The following ZFPM2 variants were observed in gnomAD, a reference collection of about 807,000 sequenced individuals.
The protein encoded by ZFPM2 is zinc finger protein ZFPM2.
Under a neutral mutation model 98.6 loss-of-function variants are expected in ZFPM2, and 20 were observed. The ratio of observed to expected loss-of-function variants is 0.20; its 90% CI spans 0.14 to 0.29. The LOEUF is 0.29. Among genes scored for constraint, ZFPM2 ranks in the 10% least tolerant of loss-of-function variants. The pLI is 1.00. For missense variants in ZFPM2, 1,310 were observed against 1,388.6 expected (o/e 0.94, Z 0.90); for synonymous variants, 518 against 502.7 (o/e 1.03, Z -0.41).
chr8:105,496,901 G>A lies in ZFPM2; in HGVS notation c.301+52520G>A, dbSNP rs1445862557. On this transcript the variant is annotated intron_variant, in intron 3 of 7. Coordinates refer to ENST00000407775, the MANE Select transcript of ZFPM2 (RefSeq NM_012082.4). ...GGAGGCTGAGGCAGGAGAATCACTT[G>A]AATCCGGGAGTCAGAGGTTGCAGTG... Among the ~76,000 whole-genome samples, 75 of 141,938 alleles carry A rather than the reference G, an allele frequency of 5.3e-4. 1 individual carries two copies. The highest frequency in any genetic ancestry group is 9.1e-4 in the Non-Finnish European group (60 of 66,166). The allele number at this position is 141,938 out of a possible 152,430, so 93.1% of individuals were successfully genotyped here. A position where few individuals can be genotyped will look rare whatever the true frequency, so the allele number is the denominator to read the frequency against.
intron 1 of ZFPM2, among the ~76,000 whole-genome samples, chr8:105,403,517 T>C (rs1159596996): frequency 6.6e-6 from 1 of 152,106 alleles, no homozygotes; most frequent in Non-Finnish European, 1.5e-5. Flanking sequence ...ACGGAAAACA[T>C]GAAGTAGATT....
chr8:105,493,016 C>G (rs1813387262), intron 3 of ZFPM2, among the ~76,000 whole-genome samples: 1 of 152,120 alleles, frequency 6.6e-6, no homozygotes, highest in African/African-American at 2.4e-5. Context: ...TCTAAGTTGA[C>G]TTGAGACCTC....
chr8:105,555,233 A>AT (rs1173878859), intron 3 of ZFPM2, among the ~76,000 whole-genome samples: 1 of 152,008 alleles, frequency 6.6e-6, no homozygotes, highest in Non-Finnish European at 1.5e-5. Flanking sequence ...TGCCTCAAAT[A>AT]TTTTCTGTGA....
At position 105,803,625 on chromosome 8, in the gene ZFPM2, C is replaced by A; in HGVS notation, c.*87C>A. 1 of 1,313,278 alleles carries A rather than the reference C, an allele frequency of 7.6e-7. No homozygotes were observed. Among genetic ancestry groups the A allele is most frequent in the Non-Finnish European group, 1.1e-6 (1 of 941,308 alleles). The allele number at this position is 1,313,278 out of a possible 1,614,324, so 81.4% of individuals were successfully genotyped here. ...AAAAAAAAATAAGCTGTTTGAATTA[C>A]ATCTGGGCAATCAGGAGATAATTCA... On this transcript the variant is annotated 3_prime_UTR_variant, in exon 8 of 8. Coordinates refer to ENST00000407775, the MANE Select transcript of ZFPM2 (RefSeq NM_012082.4).
At position 105,802,859 on chromosome 8, in the gene ZFPM2, C is replaced by T. The variant is rs749656717; in HGVS notation, c.2777C>T (p.Ser926Phe). 1.9e-6 allele frequency: 3 copies of T among 1,613,518 alleles called. No homozygotes were observed. Among genetic ancestry groups the T allele is most frequent in the Non-Finnish European group, 2.5e-6 (3 of 1,179,810 alleles). Residue 926 changes from serine (S) to phenylalanine (F), a missense_variant, in exon 8 of 8, where the codon TCC becomes TTC. Coordinates refer to ENST00000407775, the MANE Select transcript of ZFPM2 (RefSeq NM_012082.4). ...AAAAATGGGAATTTGAAGCAGCCTT[C>T]CCCCAATGGAAACTTATTTTCATCC... ...CEKNGNLKQP[S>F]PNGNLFSSHL...
intron 3 of ZFPM2, among the ~76,000 whole-genome samples, chr8:105,505,007 A>T (rs1294034374): frequency 6.6e-6 from 1 of 152,180 alleles, no homozygotes; most frequent in African/African-American, 2.4e-5. Context: ...ATTCACAAAA[A>T]TGTCAGTCTA....
intron 1 of ZFPM2, among the ~76,000 whole-genome samples, chr8:105,383,439 A>T (rs1304382666): frequency 6.6e-6 from 1 of 152,136 alleles, no homozygotes; most frequent in Non-Finnish European, 1.5e-5. Flanking sequence ...ATGACAAATA[A>T]ATCTTATGTG....
chr8:105,478,095 T>G (rs1324305236), intron 3 of ZFPM2, among the ~76,000 whole-genome samples: 1 of 152,214 alleles, frequency 6.6e-6, no homozygotes, highest in Non-Finnish European at 1.5e-5. Flanking sequence ...TTGACATAAC[T>G]CTACTTCATT....
At chr8:105,509,806 A>G in intron 3 of ZFPM2, among the ~76,000 whole-genome samples, 1 of 152,188 alleles carries the variant, frequency 6.6e-6, no homozygotes, top group Non-Finnish European at 1.5e-5. Flanking sequence ...TTTGTTTCAT[A>G]TAAATATCAT....
At chr8:105,538,882 G>A (rs1260026346) in intron 3 of ZFPM2, among the ~76,000 whole-genome samples, 1 of 152,088 alleles carries the variant, frequency 6.6e-6, no homozygotes, top group East Asian at 1.9e-4. Context: ...AGGTATGCTA[G>A]TGAGCACCTG....
At chr8:105,771,632 A>C (rs1812979126) in intron 5 of ZFPM2, among the ~76,000 whole-genome samples, 1 of 152,094 alleles carries the variant, frequency 6.6e-6, no homozygotes, top group Non-Finnish European at 1.5e-5. Flanking sequence ...ACACGAGCAA[A>C]AATTTGAGAT....
chr8:105,685,216 G>A (rs939363943), intron 5 of ZFPM2, among the ~76,000 whole-genome samples: 1 of 152,012 alleles, frequency 6.6e-6, no homozygotes, highest in East Asian at 1.9e-4. Context: ...TTGACATGTG[G>A]TCAATCAGAT....
chr8:105,374,063 T>G (rs1203717956), intron 1 of ZFPM2, among the ~76,000 whole-genome samples: 1 of 152,214 alleles, frequency 6.6e-6, no homozygotes, highest in African/African-American at 2.4e-5. Flanking sequence ...CTTTTAAGTA[T>G]GGGATGTCAA....
chr8:105,538,316 C>T (rs1187820813), intron 3 of ZFPM2, among the ~76,000 whole-genome samples: 1 of 152,038 alleles, frequency 6.6e-6, no homozygotes, highest in African/African-American at 2.4e-5. Context: ...ACCTAATAAG[C>T]CCTTGATAAA....
chr8:105,356,270 A>G (rs1451503245), intron 1 of ZFPM2, among the ~76,000 whole-genome samples: 1 of 152,204 alleles, frequency 6.6e-6, no homozygotes, highest in African/African-American at 2.4e-5. Flanking sequence ...GAAGGCCAAG[A>G]CAGGTTTCTA....
intron 5 of ZFPM2, among the ~76,000 whole-genome samples, chr8:105,714,319 T>C (rs564686625): frequency 5.3e-4 from 80 of 152,174 alleles, no homozygotes; most frequent in African/African-American, 1.9e-3. Flanking sequence ...TGTTTCTGTA[T>C]CCTGAAACTT....
chr8:105,388,790 C>T (rs1329982028), intron 1 of ZFPM2, among the ~76,000 whole-genome samples: 1 of 152,088 alleles, frequency 6.6e-6, no homozygotes. Context: ...TTGCTAATAT[C>T]CGGGTTGCGT....
intron 2 of ZFPM2, among the ~76,000 whole-genome samples, chr8:105,438,878 C>A (rs763864727): frequency 1.3e-5 from 2 of 152,054 alleles, no homozygotes; most frequent in African/African-American, 4.8e-5. Flanking sequence ...TGCTTCTGGT[C>A]TCTGAATTTC....
intron 5 of ZFPM2, among the ~76,000 whole-genome samples, chr8:105,760,447 T>C (rs1044417115): frequency 6.6e-6 from 1 of 152,100 alleles, no homozygotes; most frequent in Non-Finnish European, 1.5e-5. Context: ...AGTCTAACTT[T>C]TGTAAGTTTC....
Sources: gnomAD v4.1 joint callset for allele counts (sites outside exome capture counted in the v4.1 genomes callset) on GRCh38, gnomAD v4.1.1 for gene constraint, MANE v1.5 for transcripts, NCBI Gene and HGNC (gene_info 2026-07-23, HGNC 2026-07-21) for gene names.